Variants in ITSN2 observed in about 807,000 individuals in gnomAD.
ITSN2 encodes the protein intersectin 2.
ITSN2 carries 156 observed loss-of-function variants against 243.7 expected under a neutral mutation model. The ratio of observed to expected loss-of-function variants is 0.64; its 90% CI spans 0.56 to 0.73. The LOEUF is 0.73. ITSN2 is among the 30% of genes least tolerant of loss of function. ITSN2 has a pLI of 0.00. For missense variants in ITSN2, 1,801 were observed against 1,996.1 expected (o/e 0.90, Z 1.86); for synonymous variants, 703 against 699.9 (o/e 1.00, Z -0.07).
intron 2 of ITSN2, among the ~76,000 whole-genome samples, chr2:24,320,146 G>A (rs1684384593): frequency 6.6e-6 from 1 of 152,154 alleles, no homozygotes; most frequent in Admixed American, 6.5e-5. Flanking sequence ...GGAGGCTGAG[G>A]CAGGAGGATC....
chr2:24,242,663 T>C (rs1197220063), intron 29 of ITSN2, among the ~76,000 whole-genome samples: 1 of 152,192 alleles, frequency 6.6e-6, no homozygotes, highest in Non-Finnish European at 1.5e-5. Context: ...TTACTTCAAG[T>C]AAACAAAATC....
chr2:24,361,251 G>C (rs1196958741), upstream of ITSN2, among the ~76,000 whole-genome samples: 1 of 152,164 alleles, frequency 6.6e-6, no homozygotes, highest in Non-Finnish European at 1.5e-5. Flanking sequence ...CCAAGGGACA[G>C]GCGAAGCTCC....
chr2:24,236,618 CT>C (rs1672179246), intron 29 of ITSN2, among the ~76,000 whole-genome samples: 1 of 150,028 alleles, frequency 6.7e-6, no homozygotes, highest in Admixed American at 6.6e-5. Flanking sequence ...TCTGTGTGTC[CT>C]TTTTACATAG....
intron 12 of ITSN2, 78 bp downstream of exon 12, chr2:24,299,831 G>T: frequency 7.9e-7 from 1 of 1,259,458 alleles, no homozygotes; most frequent in Non-Finnish European, 1.1e-6. Context: ...TCAAAAATAA[G>T]CATTTTTTAA....
intron 29 of ITSN2, among the ~76,000 whole-genome samples, chr2:24,242,477 A>C (rs574816411): frequency 1.3e-5 from 2 of 152,314 alleles, no homozygotes; most frequent in African/African-American, 4.8e-5. Flanking sequence ...CTGGGTAGGT[A>C]CAACAAGGAT....
intron 12 of ITSN2, among the ~76,000 whole-genome samples, chr2:24,299,625 C>T (rs1681468661): frequency 6.6e-6 from 1 of 152,204 alleles, no homozygotes; most frequent in South Asian, 2.1e-4. Context: ...CTAACCTTAG[C>T]TCCTCACTCA....
intron 4 of ITSN2, 67 bp from the exon 5 acceptor site, chr2:24,312,442 G>A: frequency 8.1e-7 from 1 of 1,230,878 alleles, no homozygotes; most frequent in Non-Finnish European, 1.1e-6. Context: ...CGTTATTTTG[G>A]GGATTGACAA....
chr2:24,322,954 T>C (rs1318234648), intron 2 of ITSN2, among the ~76,000 whole-genome samples: 8 of 151,926 alleles, frequency 5.3e-5, no homozygotes, highest in Admixed American at 5.2e-4. Context: ...AATAAGCACG[T>C]GACAAGATGC....
chr2:24,314,180 CAG>C (rs1683630597), intron 3 of ITSN2, among the ~76,000 whole-genome samples: 2 of 152,152 alleles, frequency 1.3e-5, no homozygotes, highest in African/African-American at 4.8e-5. Context: ...CTAAAGGAAA[CAG>C]AAAGATAGAT....
In ITSN2 at chr2:24,205,295, G is replaced by A. The variant is rs761353210; in HGVS notation, c.4681C>T (p.Arg1561Cys). The change falls in exon 38 of 40, where the codon CGC becomes TGC. Residue 1561 changes from arginine (R) to cysteine (C), a missense_variant and splice_region_variant. Physicochemically the swap from Arg to Cys is radical, Grantham distance 180. Transcript: ENST00000355123. ...CCAATGCCTGAAGTCTTTTGGGAGC[G>A]GGCTACAAAAGAGGAAGACAAGTCT... ...KKKREKAYQA[R>C]SQKTSGIGRL... is the part of the protein sequence containing the mutation. 4.0e-5 allele frequency: 65 copies of A among 1,612,866 alleles called. No individual in the cohort carries two copies. The highest frequency in any genetic ancestry group is 6.7e-5 in the East Asian group (3 of 44,880).
At chr2:24,330,469 G>GA in intron 1 of ITSN2, 1 of 658,856 alleles carries the variant, frequency 1.5e-6, no homozygotes, top group South Asian at 1.4e-5. Flanking sequence ...GAACCACAGA[G>GA]AAGACCCATG....
intron 1 of ITSN2, among the ~76,000 whole-genome samples, chr2:24,356,127 C>T (rs1157703829): frequency 6.6e-6 from 1 of 150,750 alleles, no homozygotes; most frequent in Non-Finnish European, 1.5e-5. Flanking sequence ...ACTTGAACCC[C>T]GGAGGCTGAG....
At chr2:24,207,385 A>G (rs908757610) in intron 37 of ITSN2, among the ~76,000 whole-genome samples, 1 of 152,056 alleles carries the variant, frequency 6.6e-6, no homozygotes, top group African/African-American at 2.4e-5. Flanking sequence ...GGGTCCCAGG[A>G]GGAGCTGCTG....
intron 1 of ITSN2, among the ~76,000 whole-genome samples, chr2:24,337,333 T>TATATATACATAC (rs1558650541): frequency 4.6e-5 from 5 of 107,786 alleles, no homozygotes; most frequent in African/African-American, 1.8e-4. Flanking sequence ...TATATATATA[T>TATATATACATAC]ATATATATAT....
rs1391400729 is a variant in ITSN2, at chr2:24,300,049, C to T, written c.1204G>A (p.Glu402Lys). Residue 402 changes from glutamate (E) to lysine (K), a missense_variant, in exon 12 of 40, where the codon GAA becomes AAA. By Grantham distance (56) the Glu-to-Lys change is moderately conservative. Coordinates refer to ENST00000355123, the MANE Select transcript of ITSN2 (RefSeq NM_006277.3). ...TCTCTCTGTTTTCGTTCCCACTCTT[C>T]CTTTTCTTTCTGGGCTTTACGTTCT... Reference protein sequence around the residue: ...EAERKAQKEKEEWERKQRELQ... With the variant: ...EAERKAQKEKKEWERKQRELQ... The T allele has an allele frequency of 1.9e-6, 3 of 1,614,184 alleles. No individual in the cohort carries two copies. The East Asian group carries it at 6.7e-5, about 36-fold the overall frequency.
Position 24,300,129 on chromosome 2 carries a change from T to C in ITSN2, c.1124A>G (p.Asn375Ser). ...DKRKANYERG[N>S]MELEKRRQAL... ...TTGGCGTCGCTTTTCCAGCTCCATG[T>C]TCCCTCGCTCATAGTTGGCTTTCCG... Residue 375 changes from asparagine to serine, a missense_variant, in exon 12 of 40, where the codon AAC becomes AGC. Asn to Ser is a conservative substitution (Grantham distance 46). Around this residue, in one of 5 missense-constraint regions of ITSN2, gnomAD observed 787 missense variants for 803.9 expected, o/e 0.98. Coordinates refer to ENST00000355123, the MANE Select transcript of ITSN2 (RefSeq NM_006277.3). 3 of 1,614,168 alleles carry C rather than the reference T, an allele frequency of 1.9e-6. No homozygotes were observed. Among genetic ancestry groups the C allele is most frequent in the Non-Finnish European group, 2.5e-6 (3 of 1,180,016 alleles).
At position 24,337,315 on chromosome 2, in the gene ITSN2, A is replaced by AATATATATATATATACATACAT. The variant is rs70944741; in HGVS notation, c.-33-9201_-33-9200insATGTATGTATATATATATATAT. Among the ~76,000 whole-genome samples the AATATATATATATATACATACAT allele has an allele frequency of 5.6e-4, 18 of 32,026 alleles. 1 individual carries two copies. The highest frequency in any genetic ancestry group is 7.4e-4 in the Non-Finnish European group (13 of 17,640). The allele number at this position is 32,026 out of a possible 152,430, so 21.0% of individuals were successfully genotyped here. On this transcript the variant is annotated intron_variant, in intron 1 of 39. Coordinates refer to ENST00000355123, the MANE Select transcript of ITSN2 (RefSeq NM_006277.3). ...TGTGTGTGTGTGTGTGTATACACAA[A>AATATATATATATATACATACAT]ATATATATATATATATATATATATA...
At chr2:24,358,314 A>C (rs923144925) in intron 1 of ITSN2, among the ~76,000 whole-genome samples, 15 of 152,350 alleles carry the variant, frequency 9.8e-5, no homozygotes, top group Middle Eastern at 3.4e-3. Flanking sequence ...TATTGTACTT[A>C]CTAGCTCAGA....
At chr2:24,290,441 C>G (rs1311927091) in intron 15 of ITSN2, among the ~76,000 whole-genome samples, 2 of 152,198 alleles carry the variant, frequency 1.3e-5, no homozygotes, top group Admixed American at 6.5e-5. Flanking sequence ...ACATGTACTT[C>G]AAATTTTTTA....
Sources: gnomAD v4.1 joint callset for allele counts (sites outside exome capture counted in the v4.1 genomes callset) on GRCh38, gnomAD v4.1.1 for gene constraint, gnomAD v4.1.1 regional missense constraint, MANE v1.5 for transcripts, NCBI Gene and HGNC (gene_info 2026-07-23, HGNC 2026-07-21) for gene names.